Variants in PRKDC observed in about 807,000 individuals in gnomAD.
The protein encoded by PRKDC is DNA-dependent protein kinase catalytic subunit.
A neutral mutation model predicts 486.9 loss-of-function variants in PRKDC; 82 were observed. The ratio of observed to expected loss-of-function variants is 0.17; its 90% CI spans 0.14 to 0.20. PRKDC has a LOEUF of 0.20. Among genes scored for constraint, PRKDC ranks in the 10% least tolerant of loss-of-function variants. The pLI is 1.00. For missense variants in PRKDC, 4,504 were observed against 5,038.2 expected, an observed-to-expected ratio of 0.89 and a Z score of 3.21; for synonymous variants, 1,895 against 1,837.0, an observed-to-expected ratio of 1.03 and a Z score of -0.81.
chr8:47,792,916 G>A (rs1207406013), intron 74 of PRKDC, among the ~76,000 whole-genome samples: 1 of 152,186 alleles, frequency 6.6e-6, no homozygotes, highest in African/African-American at 2.4e-5. Flanking sequence ...TGATGTCCAG[G>A]TTGGACTGCA....
chr8:47,943,507 C>A, intron 9 of PRKDC, 141 bp from the exon 10 acceptor site: 1 of 879,072 alleles, frequency 1.1e-6, no homozygotes, highest in Non-Finnish European at 1.7e-6. Flanking sequence ...CCCAGGGATT[C>A]CTGTCAGAGC....
chr8:47,932,734 T>C (rs1227005222), intron 16 of PRKDC, among the ~76,000 whole-genome samples: 3 of 152,140 alleles, frequency 2.0e-5, no homozygotes, highest in Non-Finnish European at 4.4e-5. Flanking sequence ...AAGATTTCTG[T>C]CACTCTTTAC....
rs370676239 is a variant in PRKDC at position 47,799,197 on chromosome 8, A to T, written c.10297+13T>A. 1.2e-4 allele frequency: 198 copies of T among 1,613,514 alleles called. No individual in the cohort carries two copies. In the African/African-American group the frequency reaches 2.5e-3, roughly 20 times the overall value. ...GACATAATGGAACACTAGCTTTTTA[A>T]TTTTCAATTCACCTGATGCATTCTC... On this transcript the variant is annotated intron_variant, in intron 72 of 85. Transcript: ENST00000314191.
chr8:47,852,590 G>A lies in PRKDC; in HGVS notation c.7005+83C>T, dbSNP rs1027739609. On this transcript the variant is annotated intron_variant, in intron 52 of 85. Transcript: ENST00000314191. ...CCATTTTGTTTCTAATACCATACAA[G>A]AAATAAACATATAAGTATCAAGGGT... 13 of 820,272 alleles carry A rather than the reference G, an allele frequency of 1.6e-5. No individual in the cohort carries two copies. In the African/African-American group the frequency reaches 2.1e-4, roughly 13 times the overall value. The allele number at this position is 820,272 out of a possible 1,614,324, so 50.8% of individuals were successfully genotyped here.
rs1249228834 is a variant in PRKDC at position 47,849,695 on chromosome 8, T to A, written c.7006-192A>T. Among the ~76,000 whole-genome samples the A allele has an allele frequency of 2.0e-5, 3 of 152,160 alleles. No homozygotes were observed. In the East Asian group the frequency reaches 5.8e-4, roughly 29 times the overall value. On this transcript the variant is annotated intron_variant, in intron 52 of 85. Coordinates refer to ENST00000314191, the MANE Select transcript of PRKDC (RefSeq NM_006904.7). ...CACTGACCATCGCACACCCTTAGGC[T>A]CTGGATCCTTGAGTTCCTACACCTC...
In PRKDC at chr8:47,774,041, C is replaced by G. The variant is rs545558114; in HGVS notation, c.*132G>C. On this transcript the variant is annotated 3_prime_UTR_variant, in exon 86 of 86. Coordinates refer to ENST00000314191, the MANE Select transcript of PRKDC (RefSeq NM_006904.7). The stretch of plus-strand genomic sequence containing the variant: ...ATCATAATCTTGATTTAAACTCATG[C>G]TACGAAACTGTAGCACAAAAGACAT... The G allele has an allele frequency of 7.8e-5, 70 of 898,106 alleles. No homozygotes were observed. The Middle Eastern group carries it at 2.5e-3, about 31-fold the overall frequency. 55.6% of individuals were successfully genotyped at this position (898,106 alleles called of 1,614,324 possible).
chr8:47,800,763 C>G (rs1460990553), intron 71 of PRKDC, 30 bp downstream of exon 71: 2 of 1,566,098 alleles, frequency 1.3e-6, no homozygotes, highest in Non-Finnish European at 1.7e-6. Context: ...ATACACAGCA[C>G]ACTAGCGTAA....
chr8:47,900,232 A>G, intron 28 of PRKDC, 141 bp downstream of exon 28: 6 of 484,360 alleles, frequency 1.2e-5, no homozygotes, highest in Non-Finnish European at 2.0e-5. Flanking sequence ...GAGGCACTGA[A>G]GGGGATTCTC....
rs528791055 is a variant in PRKDC, at chr8:47,803,586, G to A, written c.9748-106C>T. Reference sequence around the variant, plus strand: ...TTTGCACGACACAATCCACCTTAGAGTAGCGAATCCATTTCTTTAGCTTCA... The same window carrying A: ...TTTGCACGACACAATCCACCTTAGAATAGCGAATCCATTTCTTTAGCTTCA... On this transcript the variant is annotated intron_variant, in intron 69 of 85. Coordinates refer to ENST00000314191, the MANE Select transcript of PRKDC (RefSeq NM_006904.7). 45 of 958,028 alleles carry A rather than the reference G, an allele frequency of 4.7e-5. No homozygotes were observed. In the African/African-American group the frequency reaches 7.0e-4, roughly 15 times the overall value. 59.3% of individuals were successfully genotyped at this position (958,028 alleles called of 1,614,324 possible).
intron 59 of PRKDC, 130 bp downstream of exon 59, chr8:47,834,066 A>T: frequency 1.7e-6 from 2 of 1,204,440 alleles, no homozygotes; most frequent in South Asian, 1.4e-5. Flanking sequence ...AGGCAACATT[A>T]ACTGAATTTT....
intron 51 of PRKDC, 67 bp downstream of exon 51, chr8:47,854,016 C>T (rs2088477214): frequency 6.4e-7 from 1 of 1,572,402 alleles, no homozygotes; most frequent in South Asian, 1.1e-5. Flanking sequence ...CAAAACTGCA[C>T]CATACTGAAG....
chr8:47,830,170 T>TA (rs2087830621), intron 61 of PRKDC, among the ~76,000 whole-genome samples: 1 of 152,192 alleles, frequency 6.6e-6, no homozygotes, highest in Non-Finnish European at 1.5e-5. Flanking sequence ...CATAAAGAGA[T>TA]AAGTCACTGG....
chr8:47,871,142 C>A (rs1425024014), intron 40 of PRKDC, among the ~76,000 whole-genome samples: 3 of 152,012 alleles, frequency 2.0e-5, no homozygotes, highest in Non-Finnish European at 4.4e-5. Flanking sequence ...GAAAAGGTAG[C>A]GGGAGACAGG....
At chr8:47,935,129 C>CA in intron 13 of PRKDC, 71 bp from the exon 14 acceptor site, 1 of 1,070,754 alleles carries the variant, frequency 9.3e-7, no homozygotes, top group East Asian at 2.7e-5. Context: ...CAAAAAAAAA[C>CA]AAACAGTCAT....
chr8:47,864,790 A>C (rs2088768389), intron 40 of PRKDC, 27 bp from the exon 41 acceptor site: 1 of 1,514,060 alleles, frequency 6.6e-7, no homozygotes, highest in African/African-American at 1.4e-5. Flanking sequence ...AAATTATATG[A>C]ACATCCCTGC....
intron 7 of PRKDC, among the ~76,000 whole-genome samples, chr8:47,953,367 T>A (rs2090655758): frequency 6.6e-6 from 1 of 152,204 alleles, no homozygotes; most frequent in Non-Finnish European, 1.5e-5. Context: ...CACAAATGTG[T>A]GCACGTTAAA....
At chr8:47,936,001 T>C (rs1027034008) in intron 12 of PRKDC, 101 bp from the exon 13 acceptor site, 27 of 1,176,822 alleles carry the variant, frequency 2.3e-5, no homozygotes, top group African/African-American at 6.2e-5. Context: ...TAGATACTTA[T>C]TAAAAGAAAA....
intron 38 of PRKDC, among the ~76,000 whole-genome samples, chr8:47,881,020 C>T (rs2089202393): frequency 1.3e-5 from 2 of 149,274 alleles, no homozygotes; most frequent in African/African-American, 5.0e-5. Context: ...GTACTTCAGC[C>T]TGGGTGACAG....
chr8:47,890,047 C>T (rs1049620020), intron 32 of PRKDC, among the ~76,000 whole-genome samples: 1 of 151,908 alleles, frequency 6.6e-6, no homozygotes, highest in African/African-American at 2.4e-5. Context: ...TCTGACAATG[C>T]AAAGTTTTAG....
Sources: gnomAD v4.1 joint callset for allele counts (sites outside exome capture counted in the v4.1 genomes callset) on GRCh38, gnomAD v4.1.1 for gene constraint, MANE v1.5 for transcripts, NCBI Gene and HGNC (gene_info 2026-07-23, HGNC 2026-07-21) for gene names.